B3GAT3: variants seen among roughly 807,000 people sequenced by gnomAD.
B3GAT3 encodes galactosylgalactosylxylosylprotein 3-beta-glucuronosyltransferase 3.
Under a neutral mutation model 33.1 loss-of-function variants are expected in B3GAT3, and 19 were observed. That is an observed-to-expected ratio of 0.57 (90% CI 0.40 to 0.84). B3GAT3 has a LOEUF of 0.84. Ranked by LOEUF, B3GAT3 falls within the 40% of genes least tolerant of loss-of-function variation. The pLI is 0.00. For synonymous variants in B3GAT3, 167 were observed against 193.5 expected (o/e 0.86, Z 1.14); for missense variants, 344 against 441.5 (o/e 0.78, Z 1.98).
intron 4 of B3GAT3, 22 bp from the exon 5 acceptor site, chr11:62,615,821 G>A: frequency 1.2e-6 from 2 of 1,612,014 alleles, no homozygotes; most frequent in Non-Finnish European, 1.7e-6. Context: ...GGGATGCAGT[G>A]AGAGCCAGGC....
rs182825684 is a variant in B3GAT3, at chr11:62,616,346, C to T, written c.909+160G>A. The T allele has an allele frequency of 3.5e-4, 379 of 1,081,520 alleles. 3 individuals carry two copies. The highest frequency in any genetic ancestry group is 1.0e-3 in the East Asian group (40 of 38,770). 67.0% of individuals were successfully genotyped at this position (1,081,520 alleles called of 1,614,324 possible). ...AGAGTGGCAGGAGACCACTTTCCCCCGCTAGTTCCCAGCTTCCCCTTCAGT... is the reference window on the plus strand; with the variant it reads ...AGAGTGGCAGGAGACCACTTTCCCCTGCTAGTTCCCAGCTTCCCCTTCAGT... On this transcript the variant is annotated intron_variant, in intron 4 of 4. Coordinates refer to ENST00000265471, the MANE Select transcript of B3GAT3 (RefSeq NM_012200.4).
Position 62,617,447 on chromosome 11 carries a change from G to A in B3GAT3, c.258-100C>T, listed in dbSNP as rs549836661. Reference sequence around the variant, plus strand: ...TCCTGGGCCACTGCCTGCGTCTCCTGTGGCCCTTCCCAACCAATGCCTAAA... The same window carrying A: ...TCCTGGGCCACTGCCTGCGTCTCCTATGGCCCTTCCCAACCAATGCCTAAA... On this transcript the variant is annotated intron_variant, in intron 2 of 4. Coordinates refer to ENST00000265471, the MANE Select transcript of B3GAT3 (RefSeq NM_012200.4). 1.9e-5 allele frequency: 29 copies of A among 1,543,144 alleles called. No homozygotes were observed. In the East Asian group the frequency reaches 4.3e-4, roughly 23 times the overall value.
At chr11:62,618,201 A>AAAC (rs1943072960) in intron 2 of B3GAT3, among the ~76,000 whole-genome samples, 1 of 150,608 alleles carries the variant, frequency 6.6e-6, no homozygotes, top group Non-Finnish European at 1.5e-5. Flanking sequence ...AAAAAAAAAA[A>AAAC]AAACAAATTA....
At position 62,616,600 on chromosome 11, in the gene B3GAT3, T is replaced by C; in HGVS notation, c.815A>G (p.Asp272Gly). 6.2e-7 allele frequency: 1 copy of C among 1,614,146 alleles called. No homozygotes were observed. The highest frequency in any genetic ancestry group is 1.1e-5 in the South Asian group (1 of 91,078). The change falls in exon 4 of 5, where the codon GAT (aspartate) becomes GGT (glycine). Residue 272 changes from aspartate to glycine, a missense_variant. Physicochemically the swap from Asp to Gly is moderately conservative, Grantham distance 94. Transcript: ENST00000265471. The part of the protein sequence containing the change: ...LLLDKPNAQF[D>G]STAPRGHLES... ...CAGGTGGCCCCGGGGAGCGGTGGAA[T>C]CAAATTGGGCATTGGGCTTATCTAA...
chr11:62,616,245 A>C lies in B3GAT3; in HGVS notation c.909+261T>G, dbSNP rs766521106. ...GGTGACACAGCGAGACTCTGTCTGAAAAAAAAAAAAAAACAACAAACAGGG... is the reference window on the plus strand; with the variant it reads ...GGTGACACAGCGAGACTCTGTCTGACAAAAAAAAAAAAACAACAAACAGGG... On this transcript the variant is annotated intron_variant, in intron 4 of 4. Coordinates refer to ENST00000265471, the MANE Select transcript of B3GAT3 (RefSeq NM_012200.4). The C allele has an allele frequency of 5.0e-3, 2,175 of 437,792 alleles. 2 individuals are homozygous for C. The highest frequency in any genetic ancestry group is 9.4e-3 in the East Asian group (206 of 21,980). The allele number at this position is 437,792 out of a possible 1,614,324, so 27.1% of individuals were successfully genotyped here.
At position 62,615,815 on chromosome 11, in the gene B3GAT3, T is replaced by C; in HGVS notation, c.910-16A>G. The C allele has an allele frequency of 6.2e-7, 1 of 1,612,986 alleles. No homozygotes were observed. Among genetic ancestry groups the C allele is most frequent in the South Asian group, 1.1e-5 (1 of 90,934 alleles). On this transcript the variant is annotated splice_polypyrimidine_tract_variant and intron_variant, in intron 4 of 4. Transcript: ENST00000265471. ...ACACCAGTACCTGTGCCAGGAGGGATGCAGTGAGAGCCAGGCCCAGCTGCA... is the reference window on the plus strand; with the variant it reads ...ACACCAGTACCTGTGCCAGGAGGGACGCAGTGAGAGCCAGGCCCAGCTGCA...
At chr11:62,620,010 T>C (rs1000058901) in intron 2 of B3GAT3, among the ~76,000 whole-genome samples, 4 of 152,166 alleles carry the variant, frequency 2.6e-5, no homozygotes, top group Non-Finnish European at 5.9e-5. Flanking sequence ...AACTATTTTT[T>C]TTCTTTTTTC....
At chr11:62,621,076 T>C (rs1157250570) in intron 1 of B3GAT3, 1 of 467,904 alleles carries the variant, frequency 2.1e-6, no homozygotes, top group Admixed American at 2.3e-5. Context: ...GCAGTGGCAC[T>C]GTCCCTAAAT....
At chr11:62,617,443 T>A in intron 2 of B3GAT3, 96 bp from the exon 3 acceptor site, 11 of 1,549,116 alleles carry the variant, frequency 7.1e-6, no homozygotes, top group Non-Finnish European at 9.7e-6. Context: ...TGCCTGCGTC[T>A]CCTGTGGCCC....
At position 62,615,569 on chromosome 11, in the gene B3GAT3, G is replaced by T. The variant is rs1353220614; in HGVS notation, c.*132C>A. 1 of 1,477,538 alleles carries T rather than the reference G, an allele frequency of 6.8e-7. No homozygotes were observed. The highest frequency in any genetic ancestry group is 9.1e-7 in the Non-Finnish European group (1 of 1,098,604). 91.5% of individuals were successfully genotyped at this position (1,477,538 alleles called of 1,614,324 possible). On this transcript the variant is annotated 3_prime_UTR_variant, in exon 5 of 5. Coordinates refer to ENST00000265471, the MANE Select transcript of B3GAT3 (RefSeq NM_012200.4). ...GTGAAGCAGCAGGACCATGCCCTGG[G>T]CCTGGAGGGGCAGAGGGGCCACTTC...
chr11:62,620,630 C>G lies in B3GAT3; in HGVS notation c.124G>C (p.Glu42Gln), dbSNP rs759584517. 16 of 1,612,254 alleles carry G rather than the reference C, an allele frequency of 9.9e-6. No homozygotes were observed. Among genetic ancestry groups the G allele is most frequent in the Middle Eastern group, 1.6e-4 (1 of 6,072 alleles). ...CTCAGATCCTTCTGCCGTAGCTGCT[C>G]GGCTGCTGCCCGCAGGGGAGGAAGG... ...DCLPPLRAAAEQLRQKDLRIS... is the reference protein window; with the variant it reads ...DCLPPLRAAAQQLRQKDLRIS... The change falls in exon 2 of 5, where the codon GAG becomes CAG. Residue 42 changes from glutamate (E) to glutamine (Q), a missense_variant. Coordinates refer to ENST00000265471, the MANE Select transcript of B3GAT3 (RefSeq NM_012200.4).
chr11:62,619,782 G>A (rs1358912714), intron 2 of B3GAT3, among the ~76,000 whole-genome samples: 3 of 131,938 alleles, frequency 2.3e-5, no homozygotes, highest in Admixed American at 9.3e-5. Flanking sequence ...GAGCTCAGGC[G>A]ATCCGCCAGC....
chr11:62,616,967 A>G lies in B3GAT3; in HGVS notation c.618+20T>C, dbSNP rs1324667159. ...GCTGGCCGCACCTGGTCTCTTGCCC[A>G]TCCCCATCCTGGTGCTCACCTCCTC... is the stretch of plus-strand genomic sequence containing the variant. On this transcript the variant is annotated intron_variant, in intron 3 of 4. Coordinates refer to ENST00000265471, the MANE Select transcript of B3GAT3 (RefSeq NM_012200.4). The G allele has an allele frequency of 1.2e-6, 2 of 1,614,154 alleles. No homozygotes were observed. The highest frequency in any genetic ancestry group is 1.6e-4 in the Middle Eastern group (1 of 6,062).
intron 2 of B3GAT3, among the ~76,000 whole-genome samples, chr11:62,619,528 C>T (rs1284727324): frequency 6.6e-6 from 1 of 151,906 alleles, no homozygotes; most frequent in Non-Finnish European, 1.5e-5. Context: ...CCTAGTATGA[C>T]TATCAGGCCA....
At position 62,615,617 on chromosome 11, in the gene B3GAT3, G is replaced by A; in HGVS notation, c.*84C>T. Reference sequence around the variant, plus strand: ...TTCTGGCTCCAAGGGTCAGGACTTGGAAAACCACATCCTGGGCAGGCCTGG... The same window carrying A: ...TTCTGGCTCCAAGGGTCAGGACTTGAAAAACCACATCCTGGGCAGGCCTGG... On this transcript the variant is annotated 3_prime_UTR_variant, in exon 5 of 5. Coordinates refer to ENST00000265471, the MANE Select transcript of B3GAT3 (RefSeq NM_012200.4). The A allele has an allele frequency of 9.7e-6, 15 of 1,553,790 alleles. No individual in the cohort carries two copies. Among genetic ancestry groups the A allele is most frequent in the Non-Finnish European group, 1.3e-5 (15 of 1,152,392 alleles).
At chr11:62,621,254 T>G (rs1943139238) in intron 1 of B3GAT3, 2 of 456,568 alleles carry the variant, frequency 4.4e-6, no homozygotes, top group East Asian at 1.4e-4. Context: ...ACACAGTCCC[T>G]GCCCTCATCG....
Position 62,617,065 on chromosome 11 carries a change from G to A in B3GAT3, c.540C>T (p.Asp180=). The A allele has an allele frequency of 6.2e-7, 1 of 1,614,106 alleles. No individual in the cohort carries two copies. The highest frequency in any genetic ancestry group is 1.1e-5 in the South Asian group (1 of 91,084). The part of the protein sequence containing the change: ...GRGGAVGGEK[D]PPPPGTQGVV... ...CTCCTTGGGTCCCTGGTGGTGGTGG[G>A]TCCTTCTCCCCACCCACAGCACCCC... The change falls in exon 3 of 5, where the codon GAC becomes GAT. Residue 180 remains aspartate, a synonymous_variant. Coordinates refer to ENST00000265471, the MANE Select transcript of B3GAT3 (RefSeq NM_012200.4).
intron 4 of B3GAT3, 27 bp from the exon 5 acceptor site, chr11:62,615,826 C>T (rs769251506): frequency 1.2e-6 from 2 of 1,610,486 alleles, no homozygotes; most frequent in Non-Finnish European, 1.7e-6. Flanking sequence ...GCAGTGAGAG[C>T]CAGGCCCAGC....
intron 2 of B3GAT3, among the ~76,000 whole-genome samples, chr11:62,619,699 C>CTTTTTTT (rs5792264): frequency 0.057 from 4,876 of 85,340 alleles, 1,293 homozygotes; most frequent in East Asian, 0.11. Flanking sequence ...GCCTAGCTAA[C>CTTTTTTT]TTTTTTTTTT....
Sources: allele counts gnomAD v4.1 joint callset (sites outside exome capture counted in the v4.1 genomes callset), GRCh38; gene constraint gnomAD v4.1.1; transcripts MANE v1.5; gene names NCBI Gene and HGNC (gene_info 2026-07-23, HGNC 2026-07-21).